The following TRAPPC9 variants were observed in gnomAD, a reference collection of about 807,000 sequenced individuals.
The protein encoded by TRAPPC9 is trafficking protein particle complex subunit 9, also known as IKK2 binding protein.
In TRAPPC9, 83 loss-of-function variants were observed where a neutral mutation model predicts 124.0. That is an observed-to-expected ratio of 0.67 (90% confidence interval 0.56 to 0.80). TRAPPC9 has a LOEUF of 0.80. Among genes scored for constraint, TRAPPC9 ranks in the 30% least tolerant of loss-of-function variants. The pLI is 0.00. For missense variants in TRAPPC9, 1,302 were observed against 1,508.3 expected (o/e 0.86, Z 2.27); for synonymous variants, 638 against 617.5 (o/e 1.03, Z -0.49).
intron 17 of TRAPPC9, among the ~76,000 whole-genome samples, chr8:140,055,385 A>G (rs1842239971): frequency 6.6e-6 from 1 of 152,224 alleles, no homozygotes; most frequent in African/African-American, 2.4e-5. Flanking sequence ...AATACAAACC[A>G]TATCTGAAAA....
chr8:139,784,606 GACATATATATATATATATATAT>G (rs1339654467), intron 21 of TRAPPC9, among the ~76,000 whole-genome samples: 1 of 30,434 alleles, frequency 3.3e-5, no homozygotes, highest in Non-Finnish European at 7.1e-5. Context: ...ATAAAAGACT[GACATATATATATATATATATAT>G]ATATATATAT....
chr8:140,066,450 C>A (rs888691711), intron 17 of TRAPPC9, among the ~76,000 whole-genome samples: 1 of 152,172 alleles, frequency 6.6e-6, no homozygotes, highest in African/African-American at 2.4e-5. Flanking sequence ...ACGGGCCACA[C>A]AATGAATATC....
chr8:139,852,068 G>A lies in TRAPPC9; in HGVS notation c.3055+33811C>T, dbSNP rs529254630. Among the ~76,000 whole-genome samples, 22 of 152,260 alleles carry A rather than the reference G, an allele frequency of 1.4e-4. No individual in the cohort carries two copies. The East Asian group carries it at 1.7e-3, about 12-fold the overall frequency. ...AATCATGGGGGCAGGTCTTTCCTGC[G>A]CTGTTCTCGTGATAGTGAGTACGTC... On this transcript the variant is annotated intron_variant, in intron 21 of 22. Coordinates refer to ENST00000438773, the MANE Select transcript of TRAPPC9 (RefSeq NM_001160372.4).
At chr8:139,764,342 A>G (rs1455565738) in intron 21 of TRAPPC9, among the ~76,000 whole-genome samples, 2 of 152,114 alleles carry the variant, frequency 1.3e-5, no homozygotes, top group Non-Finnish European at 2.9e-5. Context: ...GCATTTTGTG[A>G]TAGGAGATGC....
intron 18 of TRAPPC9, among the ~76,000 whole-genome samples, chr8:140,015,799 A>G (rs184928636): frequency 6.6e-6 from 1 of 152,306 alleles, no homozygotes; most frequent in East Asian, 1.9e-4. Context: ...AAGAAAAGAA[A>G]AATAGAACTT....
At chr8:140,335,635 T>C (rs1003696393) in intron 9 of TRAPPC9, among the ~76,000 whole-genome samples, 3 of 151,920 alleles carry the variant, frequency 2.0e-5, no homozygotes, top group South Asian at 2.1e-4. Flanking sequence ...TGTGAAATCA[T>C]GAGCAAATTT....
intron 16 of TRAPPC9, among the ~76,000 whole-genome samples, chr8:140,230,999 A>T (rs1416920432): frequency 2.0e-5 from 3 of 152,204 alleles, no homozygotes; most frequent in Non-Finnish European, 4.4e-5. Flanking sequence ...CGCTTACAAC[A>T]GTGACCTGCA....
At chr8:140,327,539 CA>C (rs1212429439) in intron 9 of TRAPPC9, among the ~76,000 whole-genome samples, 2 of 152,104 alleles carry the variant, frequency 1.3e-5, no homozygotes, top group Non-Finnish European at 2.9e-5. Context: ...AACAGATAAA[CA>C]AAATGTAGTC....
intron 21 of TRAPPC9, among the ~76,000 whole-genome samples, chr8:139,761,521 C>T (rs1161925752): frequency 6.6e-6 from 1 of 152,126 alleles, no homozygotes; most frequent in Non-Finnish European, 1.5e-5. Context: ...GCTGGCTTGC[C>T]CACCTCCTCC....
intron 9 of TRAPPC9, among the ~76,000 whole-genome samples, chr8:140,336,593 C>T (rs1027493373): frequency 6.6e-6 from 1 of 152,210 alleles, no homozygotes; most frequent in African/African-American, 2.4e-5. Flanking sequence ...CCTGTCTACT[C>T]TGACACTGAT....
chr8:140,129,481 C>T (rs549988207), intron 17 of TRAPPC9, among the ~76,000 whole-genome samples: 1 of 152,084 alleles, frequency 6.6e-6, no homozygotes, highest in Admixed American at 6.5e-5. Flanking sequence ...CCCAGGGCAT[C>T]GGAGCCAAGG....
At chr8:139,920,286 C>T (rs1193332387) in intron 19 of TRAPPC9, among the ~76,000 whole-genome samples, 1 of 152,228 alleles carries the variant, frequency 6.6e-6, no homozygotes, top group Non-Finnish European at 1.5e-5. Context: ...GTGGAGGTTG[C>T]AGTGAGCCGA....
intron 7 of TRAPPC9, among the ~76,000 whole-genome samples, chr8:140,395,702 G>A (rs1409008855): frequency 6.6e-6 from 1 of 152,108 alleles, no homozygotes; most frequent in South Asian, 2.1e-4. Flanking sequence ...CTTATTATTA[G>A]TCATACTTCT....
intron 5 of TRAPPC9, among the ~76,000 whole-genome samples, chr8:140,409,031 CA>C (rs1490520028): frequency 6.6e-6 from 1 of 151,826 alleles, no homozygotes; most frequent in Non-Finnish European, 1.5e-5. Flanking sequence ...ATAAACACAG[CA>C]AAACATAAAT....
intron 7 of TRAPPC9, among the ~76,000 whole-genome samples, chr8:140,380,599 G>T (rs1364806387): frequency 7.1e-6 from 1 of 141,658 alleles, no homozygotes; most frequent in African/African-American, 2.6e-5. Context: ...GGGCTACAGT[G>T]AGCCAAGATC....
chr8:140,358,067 G>A (rs553246485), intron 9 of TRAPPC9, among the ~76,000 whole-genome samples: 24 of 152,316 alleles, frequency 1.6e-4, no homozygotes, highest in South Asian at 6.2e-4. Context: ...AGGGGTTCAC[G>A]AAAGGAGAAT....
intron 18 of TRAPPC9, among the ~76,000 whole-genome samples, chr8:140,002,625 A>T (rs944699392): frequency 6.6e-6 from 1 of 152,114 alleles, no homozygotes; most frequent in South Asian, 2.1e-4. Context: ...ATTCTAGGGT[A>T]CACTAATATA....
At chr8:140,192,540 C>T (rs765130190) in intron 17 of TRAPPC9, among the ~76,000 whole-genome samples, 4 of 152,184 alleles carry the variant, frequency 2.6e-5, no homozygotes, top group African/African-American at 9.7e-5. Context: ...GCAAGCTGCC[C>T]GCCCACAGCC....
chr8:140,000,201 C>T (rs1838296315), intron 18 of TRAPPC9, among the ~76,000 whole-genome samples: 1 of 152,124 alleles, frequency 6.6e-6, no homozygotes, highest in Non-Finnish European at 1.5e-5. Flanking sequence ...GAAACTGGAT[C>T]CCTTCCTTAC....
Sources: gnomAD v4.1 joint callset for allele counts (sites outside exome capture counted in the v4.1 genomes callset) on GRCh38, gnomAD v4.1.1 for gene constraint, MANE v1.5 for transcripts, NCBI Gene and HGNC (gene_info 2026-07-23, HGNC 2026-07-21) for gene names.